The following DOCK7 variants were observed in gnomAD, a reference collection of about 807,000 sequenced individuals.
The protein encoded by DOCK7 is dedicator of cytokinesis protein 7.
Under a neutral mutation model 271.0 loss-of-function variants are expected in DOCK7, and 138 were observed. The ratio of observed to expected loss-of-function variants is 0.51; its 90% CI spans 0.44 to 0.59. DOCK7 has a LOEUF of 0.59. Ranked by LOEUF, DOCK7 falls within the 20% of genes least tolerant of loss-of-function variation. The pLI, the probability that DOCK7 is intolerant of heterozygous loss-of-function variation, is 0.00. For missense variants in DOCK7, 2,066 were observed against 2,592.4 expected, an observed-to-expected ratio of 0.80 and a Z score of 4.41; for synonymous variants, 823 against 876.1, an observed-to-expected ratio of 0.94 and a Z score of 1.07.
chr1:62,464,763 G>A (rs1645628042), intron 48 of DOCK7, among the ~76,000 whole-genome samples: 2 of 151,976 alleles, frequency 1.3e-5, no homozygotes, highest in Admixed American at 1.3e-4. Flanking sequence ...ACTAATAAAT[G>A]TGCACTGTTG....
intron 33 of DOCK7, chr1:62,511,106 T>C (rs1644470931): frequency 6.5e-6 from 1 of 153,108 alleles, no homozygotes; most frequent in Non-Finnish European, 1.5e-5. Flanking sequence ...TCCTAATTGT[T>C]CTTCTCACAA....
chr1:62,545,216 A>T (rs1343586206), intron 22 of DOCK7, among the ~76,000 whole-genome samples, 177 bp from the exon 23 acceptor site: 1 of 152,192 alleles, frequency 6.6e-6, no homozygotes, highest in Non-Finnish European at 1.5e-5. Context: ...TTATCTTATT[A>T]TATAACACAA....
intron 14 of DOCK7, among the ~76,000 whole-genome samples, chr1:62,596,235 C>T (rs11207997): frequency 0.39 from 59,301 of 151,876 alleles, 12,457 homozygotes; most frequent in African/African-American, 0.55. Context: ...CCCAGCTTTA[C>T]AGATGAGGAG....
At chr1:62,485,050 C>T (rs1473578349) in intron 43 of DOCK7, 1 of 683,714 alleles carries the variant, frequency 1.5e-6, no homozygotes, top group Non-Finnish European at 1.8e-6. Context: ...GGGAAGATCA[C>T]CTGAACTCAG....
In DOCK7 at chr1:62,602,342, C is replaced by T. The variant is rs757037911; in HGVS notation, c.1683-15718G>A. The T allele has an allele frequency of 1.2e-5, 20 of 1,610,570 alleles. No individual in the cohort carries two copies. The highest frequency in any genetic ancestry group is 1.0e-4 in the Admixed American group (6 of 59,852). ...GATGGATCACAAAACTTCAATGAAA[C>T]GTGGGAGAACTACAAATATGGTTTT... is the stretch of plus-strand genomic sequence containing the variant. On this transcript the variant is annotated intron_variant, in intron 14 of 49. Transcript: ENST00000635253.
At chr1:62,572,758 A>G (rs1646824906) in intron 18 of DOCK7, among the ~76,000 whole-genome samples, 1 of 152,186 alleles carries the variant, frequency 6.6e-6, no homozygotes, top group African/African-American at 2.4e-5. Flanking sequence ...TCAAAATGCC[A>G]TCACATTGAG....
At chr1:62,626,401 G>C (rs1653961998) in intron 11 of DOCK7, among the ~76,000 whole-genome samples, 1 of 150,674 alleles carries the variant, frequency 6.6e-6, no homozygotes, top group South Asian at 2.1e-4. Flanking sequence ...AAGGAAAATA[G>C]AAACTATAAA....
chr1:62,487,694 C>CT (rs1646335404), intron 42 of DOCK7: 1 of 320,978 alleles, frequency 3.1e-6, no homozygotes, highest in Non-Finnish European at 5.8e-6. Flanking sequence ...AGTAAGATCT[C>CT]TAACTAAGGT....
intron 14 of DOCK7, among the ~76,000 whole-genome samples, chr1:62,587,164 T>C (rs1269388786): frequency 6.6e-6 from 1 of 151,976 alleles, no homozygotes; most frequent in Non-Finnish European, 1.5e-5. Flanking sequence ...AGGTAGTTAC[T>C]ACAAAACAAT....
intron 31 of DOCK7, among the ~76,000 whole-genome samples, chr1:62,526,852 T>C (rs1645025181): frequency 6.6e-6 from 1 of 152,188 alleles, no homozygotes; most frequent in Non-Finnish European, 1.5e-5. Flanking sequence ...ATTTCATTTA[T>C]ATAAAATGTC....
chr1:62,565,909 A>G (rs1342224088), intron 18 of DOCK7, among the ~76,000 whole-genome samples: 2 of 152,086 alleles, frequency 1.3e-5, no homozygotes, highest in South Asian at 4.1e-4. Flanking sequence ...CTATACACCA[A>G]TAACAGGCAG....
chr1:62,619,375 G>A (rs1040631577), intron 13 of DOCK7, among the ~76,000 whole-genome samples: 5 of 152,008 alleles, frequency 3.3e-5, no homozygotes, highest in Admixed American at 2.0e-4. Flanking sequence ...TCCATCCCCC[G>A]CTGGGGATAT....
At chr1:62,671,518 A>G (rs1232722228) in intron 1 of DOCK7, among the ~76,000 whole-genome samples, 1 of 152,164 alleles carries the variant, frequency 6.6e-6, no homozygotes, top group African/African-American at 2.4e-5. Context: ...AGAGAGAGGA[A>G]AAGAGAGAGA....
intron 1 of DOCK7, among the ~76,000 whole-genome samples, chr1:62,680,024 T>C (rs1234618130): frequency 2.6e-5 from 4 of 152,292 alleles, no homozygotes; most frequent in South Asian, 2.1e-4. Context: ...CTTCAGAGAA[T>C]TGGAAAAAAC....
intron 44 of DOCK7, 96 bp from the exon 45 acceptor site, chr1:62,476,252 A>G: frequency 1.3e-6 from 1 of 794,366 alleles, no homozygotes. Flanking sequence ...TAGGAGAATT[A>G]GTGAGTTCTG....
intron 18 of DOCK7, among the ~76,000 whole-genome samples, chr1:62,574,259 T>G (rs1005652674): frequency 1.2e-4 from 19 of 152,112 alleles, no homozygotes; most frequent in Non-Finnish European, 2.1e-4. Flanking sequence ...TCATTAAAGT[T>G]TGGAAGGATT....
chr1:62,580,306 T>C (rs1439565416), intron 16 of DOCK7, among the ~76,000 whole-genome samples: 1 of 152,280 alleles, frequency 6.6e-6, no homozygotes, highest in East Asian at 1.9e-4. Context: ...GAGAACTTGA[T>C]GACTTCAGTG....
At chr1:62,486,222 T>C (rs1571256706) in intron 43 of DOCK7, 1 of 152,204 alleles carries the variant, frequency 6.6e-6, no homozygotes, top group East Asian at 1.9e-4. Flanking sequence ...TCTAGAGAAT[T>C]AAGGTAGATT....
Position 62,475,850 on chromosome 1 carries a change from G to T in DOCK7, c.5818C>A (p.Arg1940=), listed in dbSNP as rs761147274. ...TYFDKNYNLR[R]FMYCTPFTLD... ...GTAAAGGGTGTACAGTACATGAATC[G>T]ACGAAGATTGTAATTTTTGTCGAAA... Residue 1940 remains arginine (R), a synonymous_variant, in exon 46 of 50, where the codon CGA becomes AGA. Coordinates refer to ENST00000635253, the MANE Select transcript of DOCK7 (RefSeq NM_001367561.1). 6.2e-7 allele frequency: 1 copy of T among 1,614,022 alleles called. No homozygotes were observed. The highest frequency in any genetic ancestry group is 8.5e-7 in the Non-Finnish European group (1 of 1,179,944).
Sources: gnomAD v4.1 joint callset for allele counts (sites outside exome capture counted in the v4.1 genomes callset) on GRCh38, gnomAD v4.1.1 for gene constraint, MANE v1.5 for transcripts, NCBI Gene and HGNC (gene_info 2026-07-23, HGNC 2026-07-21) for gene names.